Variants in SPATA17 observed in about 807,000 individuals in gnomAD.
SPATA17 encodes the protein spermatogenesis associated 17.
Under a neutral mutation model 62.2 loss-of-function variants are expected in SPATA17, and 53 were observed. That is an observed-to-expected ratio of 0.85 (90% CI 0.68 to 1.07). The LOEUF is 1.07. SPATA17 is among the 50% of genes least tolerant of loss of function. The pLI is 0.00. For synonymous variants in SPATA17, 146 were observed against 146.8 expected, an observed-to-expected ratio of 0.99 and a Z score of 0.04; for missense variants, 466 against 425.5, an observed-to-expected ratio of 1.10 and a Z score of -0.84.
chr1:217,674,470 G>A (rs778804342), intron 4 of SPATA17, among the ~76,000 whole-genome samples: 14 of 152,158 alleles, frequency 9.2e-5, no homozygotes, highest in Non-Finnish European at 1.6e-4. Flanking sequence ...TGGCTGCTGC[G>A]ACTGCATGCT....
intron 6 of SPATA17, among the ~76,000 whole-genome samples, chr1:217,745,695 T>C (rs1672731775): frequency 6.6e-6 from 1 of 152,094 alleles, no homozygotes; most frequent in Admixed American, 6.6e-5. Context: ...AATAGTACTG[T>C]GCTAGGACTT....
chr1:217,763,397 GA>G (rs35735781), intron 6 of SPATA17, among the ~76,000 whole-genome samples: 41,847 of 146,898 alleles, frequency 0.28, 6,138 homozygotes, highest in East Asian at 0.52. Flanking sequence ...TAAGCAGATG[GA>G]AAAAAAAAAA....
At chr1:217,749,573 G>A (rs910876778) in intron 6 of SPATA17, among the ~76,000 whole-genome samples, 4 of 151,860 alleles carry the variant, frequency 2.6e-5, no homozygotes, top group South Asian at 2.1e-4. Flanking sequence ...TTTTGCTATC[G>A]TCTTTCAGTT....
intron 4 of SPATA17, 147 bp downstream of exon 4, chr1:217,669,230 A>G (rs1298468363): frequency 4.6e-6 from 3 of 651,132 alleles, no homozygotes; most frequent in Non-Finnish European, 7.8e-6. Flanking sequence ...AAAGTTAGTT[A>G]TGCTAAATAA....
chr1:217,670,009 T>C (rs1223769766), intron 4 of SPATA17, among the ~76,000 whole-genome samples: 9 of 152,182 alleles, frequency 5.9e-5, no homozygotes, highest in Admixed American at 5.9e-4. Context: ...AAGGAAGAAG[T>C]AGATCTTCCT....
chr1:217,862,527 C>G (rs1380017758), intron 9 of SPATA17, among the ~76,000 whole-genome samples: 1 of 152,086 alleles, frequency 6.6e-6, no homozygotes, highest in Non-Finnish European at 1.5e-5. Context: ...TTTGCATTGC[C>G]CAGACTTGCT....
intron 8 of SPATA17, among the ~76,000 whole-genome samples, chr1:217,796,200 A>G (rs1674148801): frequency 2.0e-5 from 3 of 152,302 alleles, no homozygotes; most frequent in African/African-American, 7.2e-5. Context: ...CTAAAAGAAG[A>G]GCCTATGTGA....
At chr1:217,786,768 C>CTTA (rs57995206) in intron 8 of SPATA17, among the ~76,000 whole-genome samples, 1 of 110,906 alleles carries the variant, frequency 9.0e-6, no homozygotes, top group Non-Finnish European at 1.8e-5. Flanking sequence ...TCTTCTTCTT[C>CTTA]TTCTTCTTCT....
chr1:217,646,302 C>A (rs1200738907), intron 1 of SPATA17, among the ~76,000 whole-genome samples: 2 of 152,066 alleles, frequency 1.3e-5, no homozygotes, highest in Non-Finnish European at 2.9e-5. Context: ...TGTATCTGTT[C>A]AAAGTCCAAA....
rs910581155 is a variant in SPATA17 at position 217,832,947 on chromosome 1, GA to G, written c.1006-29815del. 9.3e-4 allele frequency among the ~76,000 whole-genome samples: 130 copies of G among 140,522 alleles called. 1 individual carries two copies. In the Middle Eastern group the frequency reaches 0.011, roughly 11 times the overall value. 92.2% of individuals were successfully genotyped at this position (140,522 alleles called of 152,430 possible). ...TAACAGAGTGAGACCCCGTCTCAAA[GA>G]AAAAAAAAAAAGTTTACTTTCAAAA... is the stretch of plus-strand genomic sequence containing the variant. On this transcript the variant is annotated intron_variant, in intron 9 of 10. Coordinates refer to ENST00000366933, the MANE Select transcript of SPATA17 (RefSeq NM_138796.4).
At chr1:217,784,496 C>T (rs1673807675) in intron 8 of SPATA17, among the ~76,000 whole-genome samples, 1 of 152,024 alleles carries the variant, frequency 6.6e-6, no homozygotes, top group Non-Finnish European at 1.5e-5. Context: ...TATATGAACT[C>T]AAATCTTAGT....
chr1:217,697,824 T>C (rs1671495076), intron 5 of SPATA17, among the ~76,000 whole-genome samples: 1 of 152,202 alleles, frequency 6.6e-6, no homozygotes, highest in African/African-American at 2.4e-5. Flanking sequence ...GCTAAGGTAA[T>C]GGTTAATAGA....
At chr1:217,839,125 G>A (rs998885925) in intron 9 of SPATA17, among the ~76,000 whole-genome samples, 1 of 152,062 alleles carries the variant, frequency 6.6e-6, no homozygotes, top group African/African-American at 2.4e-5. Flanking sequence ...TGATTGAGTA[G>A]TGCAGTGTCA....
At chr1:217,809,143 G>T (rs1025097898) in intron 9 of SPATA17, among the ~76,000 whole-genome samples, 1 of 152,056 alleles carries the variant, frequency 6.6e-6, no homozygotes, top group African/African-American at 2.4e-5. Flanking sequence ...TATAAATATG[G>T]GATTGCCAAG....
At position 217,868,598 on chromosome 1, in the gene SPATA17, T is replaced by C. The variant is rs1676065641; in HGVS notation, c.*1579T>C. 1 of 151,908 alleles carries C rather than the reference T, an allele frequency of 6.6e-6. No individual in the cohort carries two copies. Among genetic ancestry groups the C allele is most frequent in the Admixed American group, 6.6e-5 (1 of 15,226 alleles). 9.4% of individuals were successfully genotyped at this position (151,908 alleles called of 1,614,324 possible). On this transcript the variant is annotated 3_prime_UTR_variant, in exon 11 of 11. Coordinates refer to ENST00000366933, the MANE Select transcript of SPATA17 (RefSeq NM_138796.4). ...GTACTAAAAGTGAAAAACTGAATAG[T>C]TGTATGCATACTCAAAGTATGGTTT...
intron 5 of SPATA17, among the ~76,000 whole-genome samples, chr1:217,708,316 G>A (rs1348966690): frequency 2.6e-5 from 4 of 151,992 alleles, no homozygotes; most frequent in Admixed American, 6.6e-5. Flanking sequence ...GACTAATAAC[G>A]AGAAAAAGAG....
At chr1:217,865,927 G>A (rs988234043) in intron 10 of SPATA17, among the ~76,000 whole-genome samples, 1 of 152,096 alleles carries the variant, frequency 6.6e-6, no homozygotes. Flanking sequence ...GAAAAACAAT[G>A]TACTTTTTCT....
chr1:217,740,880 GA>G (rs1483313783), intron 5 of SPATA17, among the ~76,000 whole-genome samples: 13 of 152,072 alleles, frequency 8.5e-5, no homozygotes, highest in African/African-American at 2.7e-4. Context: ...ATCTTACGTT[GA>G]AAAAAATTGC....
chr1:217,762,863 T>A (rs1471595654), intron 6 of SPATA17, among the ~76,000 whole-genome samples: 2 of 152,078 alleles, frequency 1.3e-5, no homozygotes, highest in Non-Finnish European at 2.9e-5. Flanking sequence ...TCCCAGCTAC[T>A]GGGGAGGCTG....
Sources: gnomAD v4.1 joint callset for allele counts (sites outside exome capture counted in the v4.1 genomes callset) on GRCh38, gnomAD v4.1.1 for gene constraint, MANE v1.5 for transcripts, NCBI Gene and HGNC (gene_info 2026-07-23, HGNC 2026-07-21) for gene names.